Variants in FILIP1 observed in about 807,000 individuals in gnomAD.
FILIP1 encodes filamin-A-interacting protein 1.
A neutral mutation model predicts 102.1 loss-of-function variants in FILIP1; 61 were observed. The observed-to-expected ratio is 0.60, with a 90% CI of 0.49 to 0.74. The LOEUF is 0.74. Among genes scored for constraint, FILIP1 ranks in the 30% least tolerant of loss-of-function variants. The pLI is 0.00. For missense variants in FILIP1, 1,314 were observed against 1,441.2 expected (o/e 0.91, Z 1.43); for synonymous variants, 491 against 526.9 (o/e 0.93, Z 0.93).
At chr6:75,474,805 A>G (rs1360127226) in intron 1 of FILIP1, among the ~76,000 whole-genome samples, 1 of 152,022 alleles carries the variant, frequency 6.6e-6, no homozygotes, top group Non-Finnish European at 1.5e-5. Flanking sequence ...AGGTGACTGG[A>G]TCATGGGGGT....
At chr6:75,389,268 G>T (rs1040536011) in intron 2 of FILIP1, among the ~76,000 whole-genome samples, 2 of 152,184 alleles carry the variant, frequency 1.3e-5, no homozygotes, top group Non-Finnish European at 2.9e-5. Flanking sequence ...ACTGGATTCA[G>T]TTTGCCAGTA....
At chr6:75,414,546 C>T (rs1582469241) in intron 2 of FILIP1, 151 bp downstream of exon 2, 2 of 756,848 alleles carry the variant, frequency 2.6e-6, no homozygotes, top group Admixed American at 5.2e-5. Flanking sequence ...TTAGTGCAAA[C>T]TTGTGCCAGG....
At chr6:75,333,695 C>G (rs1240871875) in intron 4 of FILIP1, among the ~76,000 whole-genome samples, 1 of 152,154 alleles carries the variant, frequency 6.6e-6, no homozygotes, top group Non-Finnish European at 1.5e-5. Flanking sequence ...TAAAATCACA[C>G]TATAAAAATT....
chr6:75,424,102 T>C (rs78380281), intron 1 of FILIP1, among the ~76,000 whole-genome samples: 2 of 152,186 alleles, frequency 1.3e-5, no homozygotes, highest in African/African-American at 2.4e-5. Context: ...TACAGACTTG[T>C]AGCCATTTGC....
In FILIP1 at chr6:75,313,238, A is replaced by C. The variant is rs146644501; in HGVS notation, c.2594T>G (p.Met865Arg). 119 of 1,613,912 alleles carry C rather than the reference A, an allele frequency of 7.4e-5. No homozygotes were observed. Among genetic ancestry groups the C allele is most frequent in the Non-Finnish European group, 9.2e-5 (108 of 1,179,886 alleles). The change falls in exon 5 of 6, where the codon ATG (methionine) becomes AGG (arginine). Residue 865 changes from methionine to arginine, a missense_variant. By Grantham distance (91) the Met-to-Arg change is moderately conservative. Around this residue, in one of 3 missense-constraint regions of FILIP1, gnomAD observed 816 missense variants for 913.1 expected, o/e 0.89. Transcript: ENST00000237172. The surrounding 1 kb of genome is among the most constrained non-coding windows in gnomAD (Gnocchi z 4.2). ...CATCCATGGAATCCAAGACTTTCTCATAGTGAGCTCATTTGCTGCTGGAGG... is the reference window on the plus strand; with the variant it reads ...CATCCATGGAATCCAAGACTTTCTCCTAGTGAGCTCATTTGCTGCTGGAGG... The part of the protein sequence containing the change: ...RYPPAANELT[M>R]RKSWIPWMRK...
chr6:75,464,043 C>T (rs1375548496), intron 1 of FILIP1, among the ~76,000 whole-genome samples: 1 of 152,194 alleles, frequency 6.6e-6, no homozygotes, highest in East Asian at 1.9e-4. Flanking sequence ...TTATGCTTCA[C>T]AGAGGTCATT....
Position 75,420,459 on chromosome 6 carries a change from T to C in FILIP1, c.-6-5481A>G, listed in dbSNP as rs367696184. 2.0e-5 allele frequency among the ~76,000 whole-genome samples: 3 copies of C among 152,126 alleles called. No individual in the cohort carries two copies. In the East Asian group the frequency reaches 5.8e-4, roughly 29 times the overall value. ...CAACATTTTAATTAAAATCCCCACA[T>C]TGATGACTCTTCTATCATAATGTGT... On this transcript the variant is annotated intron_variant, in intron 1 of 5. Coordinates refer to ENST00000237172, the MANE Select transcript of FILIP1 (RefSeq NM_015687.5).
chr6:75,331,423 C>T (rs770883634), intron 4 of FILIP1, among the ~76,000 whole-genome samples: 9 of 152,162 alleles, frequency 5.9e-5, no homozygotes, highest in African/African-American at 1.2e-4. Context: ...TTAATTAACT[C>T]ACTAATTCAA....
At chr6:75,477,330 G>A (rs1042289156) in intron 1 of FILIP1, among the ~76,000 whole-genome samples, 1 of 152,092 alleles carries the variant, frequency 6.6e-6, no homozygotes, top group East Asian at 1.9e-4. Context: ...ATTTCAGGTA[G>A]ACAGGAAGAA....
At chr6:75,477,031 G>A (rs1779493848) in intron 1 of FILIP1, among the ~76,000 whole-genome samples, 1 of 152,134 alleles carries the variant, frequency 6.6e-6, no homozygotes, top group Admixed American at 6.6e-5. Context: ...TATTGAGTTC[G>A]AAGGTTAATT....
chr6:75,354,965 T>C (rs565497957), intron 3 of FILIP1, among the ~76,000 whole-genome samples: 4 of 152,296 alleles, frequency 2.6e-5, no homozygotes, highest in South Asian at 2.1e-4. Flanking sequence ...TCAGAACTTG[T>C]AGACAGTACA....
intron 1 of FILIP1, among the ~76,000 whole-genome samples, chr6:75,436,578 A>G (rs147831940): frequency 1.6e-4 from 25 of 152,276 alleles, no homozygotes; most frequent in Non-Finnish European, 2.5e-4. Flanking sequence ...CAATAATTAT[A>G]CGGTGGAGCT....
intron 1 of FILIP1, among the ~76,000 whole-genome samples, chr6:75,484,490 C>T (rs906307717): frequency 2.0e-5 from 3 of 152,028 alleles, no homozygotes; most frequent in Non-Finnish European, 4.4e-5. Flanking sequence ...AAAATGATTG[C>T]GATAACAGGT....
intron 2 of FILIP1, among the ~76,000 whole-genome samples, chr6:75,378,195 G>A (rs1427366777): frequency 2.8e-5 from 4 of 141,460 alleles, no homozygotes; most frequent in South Asian, 2.4e-4. Flanking sequence ...AAGGACTCAT[G>A]TCTGAAGGAA....
At chr6:75,449,029 T>G (rs1361135346) in intron 1 of FILIP1, among the ~76,000 whole-genome samples, 1 of 152,154 alleles carries the variant, frequency 6.6e-6, no homozygotes, top group African/African-American at 2.4e-5. Context: ...TGCATATGCA[T>G]GTTTATAGCA....
intron 4 of FILIP1, among the ~76,000 whole-genome samples, chr6:75,329,923 C>A (rs1056374819): frequency 1.3e-5 from 2 of 151,958 alleles, no homozygotes. Context: ...TACCAATGAT[C>A]CAATTATAGA....
intron 3 of FILIP1, 23 bp from the exon 4 acceptor site, chr6:75,353,740 G>C: frequency 6.2e-7 from 1 of 1,608,468 alleles, no homozygotes; most frequent in South Asian, 1.1e-5. Context: ...ACATGGGAAA[G>C]GGCTTAATAT....
In FILIP1 at chr6:75,397,075, T is replaced by A. The variant is rs572745344; in HGVS notation, c.276+17622A>T. On this transcript the variant is annotated intron_variant, in intron 2 of 5. Coordinates refer to ENST00000237172, the MANE Select transcript of FILIP1 (RefSeq NM_015687.5). ...GATATACCTAATGTTAACTGACTAGTTGATGGGTGCAGAACACCAACATGG... is the reference window on the plus strand; with the variant it reads ...GATATACCTAATGTTAACTGACTAGATGATGGGTGCAGAACACCAACATGG... 1.4e-4 allele frequency among the ~76,000 whole-genome samples: 22 copies of A among 151,934 alleles called. No individual in the cohort carries two copies. In the South Asian group the frequency reaches 4.6e-3, roughly 32 times the overall value.
At chr6:75,375,815 A>G (rs559993915) in intron 2 of FILIP1, among the ~76,000 whole-genome samples, 2 of 152,356 alleles carry the variant, frequency 1.3e-5, no homozygotes, top group East Asian at 3.9e-4. Context: ...TTAGCCTCTG[A>G]CATAAGTGAA....
Sources: gnomAD v4.1 joint callset for allele counts (sites outside exome capture counted in the v4.1 genomes callset) on GRCh38, gnomAD v4.1.1 for gene constraint, gnomAD v4.1.1 regional missense constraint, Gnocchi (gnomAD v3.1) non-coding constraint, MANE v1.5 for transcripts, NCBI Gene and HGNC (gene_info 2026-07-23, HGNC 2026-07-21) for gene names.